The following NRXN3 variants were observed in gnomAD, a reference collection of about 807,000 sequenced individuals.
NRXN3 encodes neurexin 3.
A neutral mutation model predicts 137.6 loss-of-function variants in NRXN3; 32 were observed. That is an observed-to-expected ratio of 0.23 (90% CI 0.18 to 0.31). NRXN3 has a LOEUF of 0.31. NRXN3 is among the 10% of genes least tolerant of loss of function. NRXN3 has a pLI of 1.00. For synonymous variants in NRXN3, 798 were observed against 784.5 expected, an observed-to-expected ratio of 1.02 and a Z score of -0.29; for missense variants, 1,574 against 2,062.5, an observed-to-expected ratio of 0.76 and a Z score of 4.59.
chr14:78,599,773 T>C (rs1387152057), intron 4 of NRXN3, among the ~76,000 whole-genome samples: 1 of 152,140 alleles, frequency 6.6e-6, no homozygotes, highest in Non-Finnish European at 1.5e-5. Context: ...GAGATACTTG[T>C]GGTGTTCTAA....
chr14:79,389,021 C>T (rs1325007284), intron 15 of NRXN3, among the ~76,000 whole-genome samples: 2 of 152,200 alleles, frequency 1.3e-5, no homozygotes, highest in Non-Finnish European at 2.9e-5. Flanking sequence ...CTATGTGGAA[C>T]TGTGAGTCAA....
intron 18 of NRXN3, among the ~76,000 whole-genome samples, chr14:79,695,584 T>G (rs749398601): frequency 2.0e-5 from 3 of 151,352 alleles, no homozygotes; most frequent in Non-Finnish European, 4.4e-5. Context: ...GAGGGAGAAT[T>G]TATTTTCCCC....
Position 78,222,864 on chromosome 14 carries a change from A to G in NRXN3, c.-703-19527A>G, listed in dbSNP as rs148773166. Among the ~76,000 whole-genome samples, 139 of 152,324 alleles carry G rather than the reference A, an allele frequency of 9.1e-4. 1 individual carries two copies. The highest frequency in any genetic ancestry group is 3.1e-3 in the African/African-American group (127 of 41,556). ...TCAAGGCTGGACTTGTCTTATTCAT[A>G]GCTTTATACCCAGTGCTAGCAGCAC... is the stretch of plus-strand genomic sequence containing the variant. On this transcript the variant is annotated intron_variant, in intron 1 of 20. Transcript: ENST00000335750.
chr14:78,234,950 A>G (rs1427210250), intron 1 of NRXN3, among the ~76,000 whole-genome samples: 5 of 148,550 alleles, frequency 3.4e-5, no homozygotes, highest in African/African-American at 5.0e-5. Context: ...TTCAATTAAC[A>G]TAGTCTAAAA....
intron 4 of NRXN3, among the ~76,000 whole-genome samples, chr14:78,435,677 A>G (rs1362769193): frequency 6.6e-6 from 1 of 152,134 alleles, no homozygotes; most frequent in Non-Finnish European, 1.5e-5. Context: ...TTAGTGAAAC[A>G]TTTTCATCTC....
chr14:78,206,129 G>A (rs1595897476), intron 1 of NRXN3, among the ~76,000 whole-genome samples: 1 of 152,224 alleles, frequency 6.6e-6, no homozygotes, highest in African/African-American at 2.4e-5. Flanking sequence ...GGGCACAAAA[G>A]TGGAGATGCC....
chr14:79,836,804 C>A (rs2099344970), intron 20 of NRXN3, among the ~76,000 whole-genome samples: 2 of 152,026 alleles, frequency 1.3e-5, no homozygotes, highest in Non-Finnish European at 2.9e-5. Flanking sequence ...TACATAGCAC[C>A]CACACACACA....
At chr14:79,519,304 C>CT (rs1308072356) in intron 16 of NRXN3, among the ~76,000 whole-genome samples, 4 of 151,964 alleles carry the variant, frequency 2.6e-5, no homozygotes, top group Non-Finnish European at 4.4e-5. Context: ...TTTTCTTCCT[C>CT]TTTTTCATGA....
intron 16 of NRXN3, among the ~76,000 whole-genome samples, chr14:79,542,522 C>T (rs1022258033): frequency 4.6e-5 from 7 of 152,126 alleles, no homozygotes; most frequent in African/African-American, 9.7e-5. Context: ...TGCAAAGTTC[C>T]TTGTCTGGTA....
chr14:79,820,977 G>C (rs2099270385), intron 20 of NRXN3, among the ~76,000 whole-genome samples: 1 of 152,100 alleles, frequency 6.6e-6, no homozygotes, highest in African/African-American at 2.4e-5. Context: ...TGTGCCTGGA[G>C]ATGTAAGGTT....
chr14:78,817,317 A>C (rs1013213850), intron 10 of NRXN3, among the ~76,000 whole-genome samples: 6 of 152,224 alleles, frequency 3.9e-5, no homozygotes, highest in Admixed American at 3.9e-4. Flanking sequence ...CCAAATTAAA[A>C]AGTAAACGTG....
intron 1 of NRXN3, among the ~76,000 whole-genome samples, chr14:78,175,407 C>T (rs1000954475): frequency 3.9e-5 from 6 of 152,192 alleles, no homozygotes; most frequent in Non-Finnish European, 8.8e-5. Flanking sequence ...GTTCTCCTTA[C>T]ATGACCCCTC....
intron 15 of NRXN3, among the ~76,000 whole-genome samples, chr14:79,453,314 A>G (rs1414024211): frequency 6.6e-6 from 1 of 152,180 alleles, no homozygotes; most frequent in Non-Finnish European, 1.5e-5. Context: ...TCAAAAAAAT[A>G]AATAAATAAA....
intron 19 of NRXN3, among the ~76,000 whole-genome samples, chr14:79,734,550 ATTATT>A (rs2098935348): frequency 6.6e-6 from 1 of 152,212 alleles, no homozygotes; most frequent in Non-Finnish European, 1.5e-5. Context: ...ATAATTGTAT[ATTATT>A]TTGTTTTGCT....
chr14:78,538,451 G>T (rs566822076), intron 4 of NRXN3, among the ~76,000 whole-genome samples: 5 of 152,234 alleles, frequency 3.3e-5, no homozygotes, highest in Admixed American at 6.5e-5. Context: ...TGTGATTTTT[G>T]CACATTGATT....
At chr14:78,428,823 A>G (rs2093760861) in intron 4 of NRXN3, among the ~76,000 whole-genome samples, 1 of 152,172 alleles carries the variant, frequency 6.6e-6, no homozygotes, top group Non-Finnish European at 1.5e-5. Context: ...ACCCAATTGC[A>G]TGAAGCCTAT....
At chr14:79,518,290 T>C (rs1216459841) in intron 16 of NRXN3, among the ~76,000 whole-genome samples, 1 of 152,192 alleles carries the variant, frequency 6.6e-6, no homozygotes, top group Non-Finnish European at 1.5e-5. Context: ...CATATGTATA[T>C]ATAAATTAGA....
intron 15 of NRXN3, among the ~76,000 whole-genome samples, chr14:79,064,733 GTATA>G (rs1379394575): frequency 1.9e-4 from 10 of 53,042 alleles, no homozygotes; most frequent in Non-Finnish European, 2.4e-4. Context: ...CCATATATAT[GTATA>G]TGTATATATA....
At chr14:79,350,388 T>C (rs983142310) in intron 15 of NRXN3, among the ~76,000 whole-genome samples, 2 of 152,198 alleles carry the variant, frequency 1.3e-5, no homozygotes, top group African/African-American at 4.8e-5. Context: ...TCATGTAGTG[T>C]CTACTCTACT....
Sources: allele counts gnomAD v4.1 joint callset (sites outside exome capture counted in the v4.1 genomes callset), GRCh38; gene constraint gnomAD v4.1.1; transcripts MANE v1.5; gene names NCBI Gene and HGNC (gene_info 2026-07-23, HGNC 2026-07-21).